POLK: variants seen among roughly 807,000 people sequenced by gnomAD.
POLK encodes the protein DNA polymerase kappa.
A neutral mutation model predicts 94.0 loss-of-function variants in POLK; 76 were observed. The observed-to-expected ratio is 0.81, with a 90% CI of 0.67 to 0.98. POLK has a LOEUF of 0.98. Ranked by LOEUF, POLK falls within the 50% of genes least tolerant of loss-of-function variation. The pLI, the probability that POLK is intolerant of heterozygous loss-of-function variation, is 0.00. For missense variants in POLK, 954 were observed against 1,010.1 expected (o/e 0.94, Z 0.75); for synonymous variants, 349 against 325.4 (o/e 1.07, Z -0.78).
rs779898254 is a variant in POLK, at chr5:75,593,953, GT to G, written c.1435del (p.Ser479LeufsTer14). 1.3e-5 allele frequency: 21 copies of G among 1,608,822 alleles called. No homozygotes were observed. On this transcript the variant is annotated frameshift_variant, in exon 12 of 15. Coordinates refer to ENST00000241436, the Ensembl canonical transcript of POLK. LOFTEE classifies it high-confidence loss of function. ...TCGTGCATCTACAGTTTCATCTGTT[GT>G]TTCTACTGCAGAAGAAATATTTGCC... is the stretch of plus-strand genomic sequence containing the variant.
intron 10 of POLK, among the ~76,000 whole-genome samples, 168 bp from the exon 11 acceptor site, chr5:75,590,176 A>G (rs930295630): frequency 6.6e-6 from 1 of 152,216 alleles, no homozygotes; most frequent in Admixed American, 6.5e-5. Flanking sequence ...CATTATTTAT[A>G]TAGATCTTAG....
At chr5:75,607,223 T>C in the POLK span, among the ~76,000 whole-genome samples, 1 of 151,946 alleles carries the variant, frequency 6.6e-6, no homozygotes, top group South Asian at 2.1e-4. Flanking sequence ...TCTCAGCACT[T>C]TGGGAGGCCA....
At chr5:75,524,323 T>C (rs1362017457) in intron 1 of POLK, among the ~76,000 whole-genome samples, 3 of 152,126 alleles carry the variant, frequency 2.0e-5, no homozygotes, top group Admixed American at 6.5e-5. Flanking sequence ...CCTTAAATAC[T>C]TGTGGGTTGA....
intron 1 of POLK, among the ~76,000 whole-genome samples, chr5:75,517,700 A>T (rs546558430): frequency 6.6e-6 from 1 of 152,336 alleles, no homozygotes; most frequent in South Asian, 2.1e-4. Context: ...GAAGGTGGGC[A>T]TCCTTGTCTT....
At chr5:75,561,300 G>C (rs1038680617) in intron 3 of POLK, among the ~76,000 whole-genome samples, 1 of 152,036 alleles carries the variant, frequency 6.6e-6, no homozygotes, top group Admixed American at 6.6e-5. Flanking sequence ...GCTGCATAAA[G>C]GTCTTCTTTT....
chr5:75,582,385 T>C (rs989728753), intron 7 of POLK: 1 of 152,276 alleles, frequency 6.6e-6, no homozygotes, highest in African/African-American at 2.4e-5. Flanking sequence ...AACTGTTTAA[T>C]GAATATATTT....
chr5:75,542,872 C>T (rs1035490853), intron 1 of POLK, among the ~76,000 whole-genome samples: 15 of 150,382 alleles, frequency 1.0e-4, no homozygotes, highest in African/African-American at 3.4e-4. Flanking sequence ...GCCACCGCGC[C>T]CAGCTAATTT....
At chr5:75,562,688 A>G (rs1771051329) in intron 3 of POLK, among the ~76,000 whole-genome samples, 1 of 152,140 alleles carries the variant, frequency 6.6e-6, no homozygotes. Context: ...CGTTCCATCA[A>G]TACCTAGTTT....
intron 1 of POLK, among the ~76,000 whole-genome samples, chr5:75,534,653 T>G (rs1769358559): frequency 6.6e-6 from 1 of 152,236 alleles, no homozygotes; most frequent in Admixed American, 6.5e-5. Flanking sequence ...ATTTATGCAC[T>G]CCTATGTTGA....
chr5:75,547,187 A>G, intron 2 of POLK, 30 bp downstream of exon 2: 1 of 1,323,992 alleles, frequency 7.6e-7, no homozygotes. Context: ...TGATGTGTGT[A>G]ATTTAATGAC....
At chr5:75,575,424 TCCTG>T (rs1461810776) in intron 5 of POLK, among the ~76,000 whole-genome samples, 3 of 152,298 alleles carry the variant, frequency 2.0e-5, no homozygotes, top group Middle Eastern at 3.4e-3. Flanking sequence ...CAAAAAATTA[TCCTG>T]CCCAGGCCTC....
chr5:75,581,411 C>T, exon 7 of POLK: 1 of 1,613,312 alleles, frequency 6.2e-7, no homozygotes, highest in Non-Finnish European at 8.5e-7. Flanking sequence ...AAATTCGTTT[C>T]AGAATTGAGC....
At chr5:75,573,606 C>T in intron 4 of POLK, 132 bp from the exon 5 acceptor site, 2 of 728,182 alleles carry the variant, frequency 2.7e-6, no homozygotes, top group Non-Finnish European at 4.5e-6. Context: ...AAAACAAAAA[C>T]AAAAAACTGG....
intron 3 of POLK, among the ~76,000 whole-genome samples, chr5:75,560,694 G>A (rs1319614489): frequency 1.3e-5 from 2 of 152,076 alleles, no homozygotes; most frequent in South Asian, 2.1e-4. Context: ...ACAGGCCCCA[G>A]TGTGTGATAT....
At chr5:75,593,626 T>G (rs919981871) in intron 11 of POLK, among the ~76,000 whole-genome samples, 5 of 152,098 alleles carry the variant, frequency 3.3e-5, no homozygotes, top group South Asian at 2.1e-4. Context: ...CCAGGATCGC[T>G]TGTGGCCAGG....
intron 9 of POLK, among the ~76,000 whole-genome samples, 184 bp from the exon 10 acceptor site, chr5:75,586,842 T>C (rs904809641): frequency 1.3e-5 from 2 of 152,156 alleles, no homozygotes; most frequent in South Asian, 4.1e-4. Context: ...ATAATCATAT[T>C]AGCATCTTAC....
At chr5:75,535,079 T>C (rs1769378334) in intron 1 of POLK, 1 of 152,244 alleles carries the variant, frequency 6.6e-6, no homozygotes, top group South Asian at 2.1e-4. Flanking sequence ...AATGTGCTTT[T>C]GTAGTGGCCA....
Position 75,591,621 on chromosome 5 carries a change from A to G in POLK, c.1356+1181A>G, listed in dbSNP as rs144680032. Among the ~76,000 whole-genome samples, 301 of 152,266 alleles carry G rather than the reference A, an allele frequency of 2.0e-3. 1 individual carries two copies. The highest frequency in any genetic ancestry group is 6.8e-3 in the African/African-American group (284 of 41,560). On this transcript the variant is annotated intron_variant, in intron 11 of 14. Coordinates refer to ENST00000241436, the Ensembl canonical transcript of POLK. ...TTTGGAGTTTACTTATTTTTCCATT[A>G]ATGTCGTCTCTGCCTTCCAGAATTC...
intron 3 of POLK, among the ~76,000 whole-genome samples, chr5:75,554,442 T>C (rs1240027638): frequency 6.6e-6 from 1 of 152,074 alleles, no homozygotes; most frequent in Non-Finnish European, 1.5e-5. Context: ...TGTAATCAAA[T>C]CCAGTGACTT....
Sources: allele counts gnomAD v4.1 joint callset (sites outside exome capture counted in the v4.1 genomes callset), GRCh38; gene constraint gnomAD v4.1.1; transcripts MANE v1.5; gene names NCBI Gene and HGNC (gene_info 2026-07-23, HGNC 2026-07-21).